PARP6: variants seen among roughly 807,000 people sequenced by gnomAD.
PARP6 encodes protein mono-ADP-ribosyltransferase PARP6.
A neutral mutation model predicts 92.0 loss-of-function variants in PARP6; 27 were observed. The observed-to-expected ratio is 0.29, with a 90% CI of 0.22 to 0.40. PARP6 has a LOEUF of 0.40. Among genes scored for constraint, PARP6 ranks in the 10% least tolerant of loss-of-function variants. The probability of loss-of-function intolerance (pLI) is 1.00; values close to 1 mark genes in which losing one functional copy is unlikely to be tolerated. For missense variants in PARP6, 501 were observed against 784.5 expected (o/e 0.64, Z 4.32); for synonymous variants, 272 against 281.2 (o/e 0.97, Z 0.33).
chr15:72,261,331 A>G (rs1244292082), intron 9 of PARP6, among the ~76,000 whole-genome samples: 1 of 152,260 alleles, frequency 6.6e-6, no homozygotes, highest in Admixed American at 6.5e-5. Flanking sequence ...CTCCAAATAC[A>G]TATCACGAGC....
At chr15:72,251,377 A>G (rs2084329760) in intron 16 of PARP6, 122 bp from the exon 17 acceptor site, 1 of 599,252 alleles carries the variant, frequency 1.7e-6, no homozygotes, top group African/African-American at 1.9e-5. Context: ...GGCTGTCCAA[A>G]TTGTGTGAAA....
chr15:72,245,409 A>G (rs2083488594), intron 20 of PARP6: 1 of 152,242 alleles, frequency 6.6e-6, no homozygotes, highest in Non-Finnish European at 1.5e-5. Flanking sequence ...ACCTGCCCCC[A>G]TGATTCAGTT....
intron 1 of PARP6, among the ~76,000 whole-genome samples, chr15:72,272,121 C>T (rs1023506077): frequency 1.3e-5 from 2 of 152,216 alleles, no homozygotes; most frequent in African/African-American, 2.4e-5. Context: ...CAGGTTAGCG[C>T]TATCTCGGGC....
intron 11 of PARP6, 101 bp from the exon 12 acceptor site, chr15:72,258,233 C>T: frequency 1.2e-6 from 1 of 823,896 alleles, no homozygotes. Flanking sequence ...ATCCTCCCAG[C>T]CCCGTGCCTA....
At chr15:72,245,403 G>GC (rs975784445) in intron 20 of PARP6, 8 of 151,990 alleles carry the variant, frequency 5.3e-5, no homozygotes, top group African/African-American at 1.9e-4. Flanking sequence ...ATAAAAACCT[G>GC]CCCCCATGAT....
At chr15:72,270,993 A>G (rs2087353024) in intron 2 of PARP6, 30 bp downstream of exon 2, 1 of 152,180 alleles carries the variant, frequency 6.6e-6, no homozygotes, top group East Asian at 1.9e-4. Flanking sequence ...AAATCACACA[A>G]AAAAATGATT....
intron 13 of PARP6, 56 bp downstream of exon 13, chr15:72,257,292 G>T: frequency 8.3e-7 from 1 of 1,209,190 alleles, no homozygotes; most frequent in Non-Finnish European, 1.2e-6. Context: ...TGAAATTGCT[G>T]GGTTCCTCTG....
intron 13 of PARP6, 67 bp from the exon 14 acceptor site, chr15:72,256,657 C>T: frequency 7.8e-7 from 1 of 1,279,146 alleles, no homozygotes; most frequent in East Asian, 2.8e-5. Context: ...GTCAGAGTAC[C>T]CAGTATTTCT....
At chr15:72,246,147 A>ATTGTT (rs777123302) in intron 20 of PARP6, among the ~76,000 whole-genome samples, 1 of 152,010 alleles carries the variant, frequency 6.6e-6, no homozygotes, top group African/African-American at 2.4e-5. Flanking sequence ...ATAACACATT[A>ATTGTT]TTGTTTTGTT....
At chr15:72,247,808 A>C (rs2083808734) in intron 20 of PARP6, among the ~76,000 whole-genome samples, 1 of 151,424 alleles carries the variant, frequency 6.6e-6, no homozygotes, top group African/African-American at 2.4e-5. Context: ...TTTTAGGCAG[A>C]GTCTTGCTTT....
rs751482326 is a variant in PARP6, at chr15:72,241,710, G to GT, written c.1791-154dup. On this transcript the variant is annotated intron_variant, in intron 23 of 23. Coordinates refer to ENST00000569795, the MANE Select transcript of PARP6 (RefSeq NM_001323532.2). This position sits in a 1 kb window ranked among gnomAD's most constrained non-coding sequence, Gnocchi z 4.1. The stretch of plus-strand genomic sequence containing the variant: ...TAGTGGAAGATATTCAGCTTATCTG[G>GT]TTTCCTCTAGATAGATCCCAACCAT... Among the ~76,000 whole-genome samples the GT allele has an allele frequency of 6.6e-6, 1 of 152,156 alleles. No individual in the cohort carries two copies. Among genetic ancestry groups the GT allele is most frequent in the Non-Finnish European group, 1.5e-5 (1 of 68,024 alleles).
Position 72,241,182 on chromosome 15 carries a change from C to A in PARP6, c.*273G>T. ...GCTAGTCAAACCACAGTGATCATAT[C>A]CAGTCCACAGCACCTTCCATTTTAT... is the stretch of plus-strand genomic sequence containing the variant. On this transcript the variant is annotated 3_prime_UTR_variant, in exon 24 of 24. Coordinates refer to ENST00000569795, the MANE Select transcript of PARP6 (RefSeq NM_001323532.2). The surrounding 1 kb of genome is among the most constrained non-coding windows in gnomAD (Gnocchi z 4.1). 1 of 563,758 alleles carries A rather than the reference C, an allele frequency of 1.8e-6. No individual in the cohort carries two copies. Among genetic ancestry groups the A allele is most frequent in the South Asian group, 1.5e-5 (1 of 65,396 alleles). 34.9% of individuals were successfully genotyped at this position (563,758 alleles called of 1,614,324 possible).
At chr15:72,257,307 T>C (rs777931775) in intron 13 of PARP6, 41 bp downstream of exon 13, 1 of 1,440,226 alleles carries the variant, frequency 6.9e-7, no homozygotes, top group East Asian at 2.3e-5. Context: ...CCTCTGTCTT[T>C]CTTGATCCCA....
chr15:72,257,294 GT>G, intron 13 of PARP6, 53 bp downstream of exon 13: 1 of 1,250,888 alleles, frequency 8.0e-7, no homozygotes, highest in Non-Finnish European at 1.2e-6. Flanking sequence ...AAATTGCTGG[GT>G]TCCTCTGTCT....
chr15:72,264,164 G>A (rs2141072240), intron 8 of PARP6, among the ~76,000 whole-genome samples: 1 of 152,246 alleles, frequency 6.6e-6, no homozygotes, highest in South Asian at 2.1e-4. Flanking sequence ...ACTGAGAGTG[G>A]AAAATATGCT....
In PARP6 at chr15:72,260,691, G is replaced by A. The variant is rs773712686; in HGVS notation, c.546-3C>T. The A allele has an allele frequency of 1.9e-5, 30 of 1,605,054 alleles. No homozygotes were observed. The Admixed American group carries it at 4.8e-4, about 26-fold the overall frequency. On this transcript the variant is annotated splice_region_variant and splice_polypyrimidine_tract_variant and intron_variant, in intron 9 of 23. Transcript: ENST00000569795. ...GTATGATAGGGAAACTGGGAGACCT[G>A]CAGAGAGAGAGCAAAGAGAAGTGAT...
chr15:72,266,704 T>C, intron 4 of PARP6, 41 bp downstream of exon 4: 3 of 1,438,466 alleles, frequency 2.1e-6, no homozygotes, highest in Non-Finnish European at 2.9e-6. Flanking sequence ...AGCACATATC[T>C]AGACCATCCA....
intron 8 of PARP6, among the ~76,000 whole-genome samples, chr15:72,262,574 C>T (rs1342935841): frequency 1.3e-5 from 2 of 152,178 alleles, no homozygotes; most frequent in African/African-American, 2.4e-5. Context: ...CATCCCCATA[C>T]AAATTTCTCA....
intron 2 of PARP6, among the ~76,000 whole-genome samples, chr15:72,268,434 A>G (rs1018913348): frequency 6.6e-6 from 1 of 152,266 alleles, no homozygotes; most frequent in Admixed American, 6.5e-5. Context: ...ACTAGCTATT[A>G]TACGGCAACA....
Sources: allele counts gnomAD v4.1 joint callset (sites outside exome capture counted in the v4.1 genomes callset), GRCh38; gene constraint gnomAD v4.1.1; non-coding constraint Gnocchi (gnomAD v3.1); transcripts MANE v1.5; gene names NCBI Gene and HGNC (gene_info 2026-07-23, HGNC 2026-07-21).